PARD3B: variants seen among roughly 807,000 people sequenced by gnomAD.
The protein encoded by PARD3B is partitioning defective 3 homolog B.
PARD3B carries 103 observed loss-of-function variants against 130.2 expected under a neutral mutation model. The ratio of observed to expected loss-of-function variants is 0.79; its 90% CI spans 0.67 to 0.93. The LOEUF (loss-of-function observed/expected upper bound fraction) is 0.93. Ranked by LOEUF, PARD3B falls within the 40% of genes least tolerant of loss-of-function variation. The pLI is 0.00. For synonymous variants in PARD3B, 583 were observed against 553.2 expected (o/e 1.05, Z -0.76); for missense variants, 1,609 against 1,499.2 (o/e 1.07, Z -1.21).
At position 205,440,799 on chromosome 2, in the gene PARD3B, A is replaced by C; in HGVS notation, c.3044+127A>C. ...ACTGAAACGAGTCAGTACCCTAGACAAGTGCCATCCTTTGACCGACCTGTA... is the reference window on the plus strand; with the variant it reads ...ACTGAAACGAGTCAGTACCCTAGACCAGTGCCATCCTTTGACCGACCTGTA... On this transcript the variant is annotated intron_variant, in intron 20 of 22. Coordinates refer to ENST00000406610, the MANE Select transcript of PARD3B (RefSeq NM_001302769.2). The surrounding 1 kb of genome is among the most constrained non-coding windows in gnomAD (Gnocchi z 4.2). 1 of 994,420 alleles carries C rather than the reference A, an allele frequency of 1.0e-6. No individual in the cohort carries two copies. 61.6% of individuals were successfully genotyped at this position (994,420 alleles called of 1,614,324 possible). A position where few individuals can be genotyped will look rare whatever the true frequency, so the allele number is the denominator to read the frequency against.
chr2:205,049,296 G>A (rs977505612), intron 4 of PARD3B, among the ~76,000 whole-genome samples: 8 of 152,080 alleles, frequency 5.3e-5, no homozygotes, highest in Admixed American at 2.0e-4. Context: ...ATGGTGGAAG[G>A]GGAAGCAAAC....
intron 20 of PARD3B, among the ~76,000 whole-genome samples, chr2:205,466,911 C>T (rs983591674): frequency 2.0e-5 from 3 of 152,204 alleles, no homozygotes; most frequent in African/African-American, 7.2e-5. Flanking sequence ...CAGGGTTTCA[C>T]CATGTTGGCC....
intron 20 of PARD3B, among the ~76,000 whole-genome samples, chr2:205,489,571 C>CATATATAT (rs1575147919): frequency 2.6e-5 from 1 of 38,598 alleles, no homozygotes; most frequent in Non-Finnish European, 7.6e-5. Flanking sequence ...TATATATACA[C>CATATATAT]ACACACACAT....
intron 21 of PARD3B, among the ~76,000 whole-genome samples, chr2:205,512,475 C>T (rs769027799): frequency 1.3e-5 from 2 of 152,102 alleles, no homozygotes; most frequent in Admixed American, 1.3e-4. Flanking sequence ...ATGATCATTC[C>T]GTGTCATCTC....
At chr2:205,257,392 G>A (rs1452639483) in intron 16 of PARD3B, among the ~76,000 whole-genome samples, 1 of 151,800 alleles carries the variant, frequency 6.6e-6, no homozygotes, top group Admixed American at 6.6e-5. Context: ...AGACAGTTTG[G>A]TTTTAGTTTT....
In PARD3B at chr2:205,440,746, T is replaced by TA. The variant is rs932068200; in HGVS notation, c.3044+80dup. On this transcript the variant is annotated intron_variant, in intron 20 of 22. Transcript: ENST00000406610. This position sits in a 1 kb window ranked among gnomAD's most constrained non-coding sequence, Gnocchi z 4.2. Reference sequence around the variant, plus strand: ...AAATCATCTCTACTGCTGAAACCGATAAAAAATGTCTCCTTCAATCAATTA... The same window carrying TA: ...AAATCATCTCTACTGCTGAAACCGATAAAAAAATGTCTCCTTCAATCAATTA... The TA allele has an allele frequency of 3.5e-6, 5 of 1,428,744 alleles. No homozygotes were observed. Among genetic ancestry groups the TA allele is most frequent in the Admixed American group, 4.0e-5 (2 of 49,680 alleles). 88.5% of individuals were successfully genotyped at this position (1,428,744 alleles called of 1,614,324 possible). A position where few individuals can be genotyped will look rare whatever the true frequency, so the allele number is the denominator to read the frequency against.
chr2:204,723,764 A>G lies in PARD3B; in HGVS notation c.222+37482A>G, dbSNP rs374152179. Among the ~76,000 whole-genome samples, 35 of 152,236 alleles carry G rather than the reference A, an allele frequency of 2.3e-4. 1 individual carries two copies. The East Asian group carries it at 3.1e-3, about 13-fold the overall frequency. Reference sequence around the variant, plus strand: ...TGGAGTGATAAAGTTCATAGTAATTATAGGAGAAAGTGAGTATAATGGCAA... The same window carrying G: ...TGGAGTGATAAAGTTCATAGTAATTGTAGGAGAAAGTGAGTATAATGGCAA... On this transcript the variant is annotated intron_variant, in intron 2 of 22. Coordinates refer to ENST00000406610, the MANE Select transcript of PARD3B (RefSeq NM_001302769.2).
chr2:205,398,862 C>T (rs2046132877), intron 18 of PARD3B, among the ~76,000 whole-genome samples: 1 of 152,140 alleles, frequency 6.6e-6, no homozygotes, highest in South Asian at 2.1e-4. Context: ...CAGTACAGGA[C>T]TTTCTTCAAA....
chr2:204,998,318 A>G (rs1429334345), intron 3 of PARD3B, among the ~76,000 whole-genome samples: 10 of 25,120 alleles, frequency 4.0e-4, no homozygotes, highest in South Asian at 1.5e-3. Context: ...TAAAGTATAT[A>G]TATATATATA....
At chr2:205,455,537 T>C (rs1237015793) in intron 20 of PARD3B, among the ~76,000 whole-genome samples, 1 of 152,088 alleles carries the variant, frequency 6.6e-6, no homozygotes, top group East Asian at 1.9e-4. Flanking sequence ...TTCTCAACTT[T>C]AGTAGATTTT....
At chr2:205,612,882 G>A (rs1429279921) in intron 22 of PARD3B, among the ~76,000 whole-genome samples, 1 of 152,184 alleles carries the variant, frequency 6.6e-6, no homozygotes, top group East Asian at 1.9e-4. Flanking sequence ...ACTGTGAGCT[G>A]TGAGCACTGG....
intron 22 of PARD3B, among the ~76,000 whole-genome samples, chr2:205,587,447 T>C (rs1575429316): frequency 6.6e-6 from 1 of 152,172 alleles, no homozygotes; most frequent in Non-Finnish European, 1.5e-5. Flanking sequence ...ATTTAGTAAA[T>C]CACTGCTCTA....
chr2:204,847,362 T>A (rs2044507336), intron 2 of PARD3B, among the ~76,000 whole-genome samples: 1 of 152,122 alleles, frequency 6.6e-6, no homozygotes, highest in Non-Finnish European at 1.5e-5. Flanking sequence ...AATTTTAGAG[T>A]TAGCTTGTCT....
rs568924952 is a variant in PARD3B at position 204,759,366 on chromosome 2, C to G, written c.222+73084C>G. ...TCTTTCCATGGCGCACCCACAGTTT[C>G]ATTCCATGGAGGAAACTATTAGTGC... On this transcript the variant is annotated intron_variant, in intron 2 of 22. Transcript: ENST00000406610. 3.1e-3 allele frequency among the ~76,000 whole-genome samples: 474 copies of G among 152,226 alleles called. 3 individuals carry two copies. The highest frequency in any genetic ancestry group is 0.01 in the African/African-American group (422 of 41,562).
intron 21 of PARD3B, among the ~76,000 whole-genome samples, chr2:205,527,266 C>A (rs1249810959): frequency 6.6e-6 from 1 of 152,092 alleles, no homozygotes; most frequent in African/African-American, 2.4e-5. Flanking sequence ...TGTGGGTTAG[C>A]ACAAATCTTG....
Position 205,125,226 on chromosome 2 carries a change from T to G in PARD3B, c.1306-383T>G, listed in dbSNP as rs74397747. 1.4e-3 allele frequency among the ~76,000 whole-genome samples: 209 copies of G among 152,368 alleles called. No individual in the cohort carries two copies. Among genetic ancestry groups the G allele is most frequent in the African/African-American group, 4.5e-3 (189 of 41,594 alleles). On this transcript the variant is annotated intron_variant, in intron 9 of 22. Coordinates refer to ENST00000406610, the MANE Select transcript of PARD3B (RefSeq NM_001302769.2). The surrounding 1 kb of genome is among the most constrained non-coding windows in gnomAD (Gnocchi z 4.0). ...GCAGGATTCTATTGCTAGGTTCGTA[T>G]TTGCAGAGAAATTTGCCTTGTGATC...
intron 4 of PARD3B, among the ~76,000 whole-genome samples, chr2:205,094,551 A>G (rs1702295040): frequency 6.6e-6 from 1 of 152,104 alleles, no homozygotes. Flanking sequence ...CTAAGCACAC[A>G]TACGAATAAG....
intron 21 of PARD3B, among the ~76,000 whole-genome samples, chr2:205,527,821 A>T (rs570598445): frequency 6.6e-6 from 1 of 152,328 alleles, no homozygotes. Flanking sequence ...AAGACATACC[A>T]TATTCATCTT....
intron 2 of PARD3B, among the ~76,000 whole-genome samples, chr2:204,822,165 G>T (rs982793410): frequency 1.3e-5 from 2 of 152,214 alleles, no homozygotes; most frequent in Non-Finnish European, 2.9e-5. Flanking sequence ...GGAAGAAGTT[G>T]ATTCTAACCC....
Sources: allele counts gnomAD v4.1 joint callset (sites outside exome capture counted in the v4.1 genomes callset), GRCh38; gene constraint gnomAD v4.1.1; non-coding constraint Gnocchi (gnomAD v3.1); transcripts MANE v1.5; gene names NCBI Gene and HGNC (gene_info 2026-07-23, HGNC 2026-07-21).